DDX50: variants seen among roughly 807,000 people sequenced by gnomAD.
DDX50 encodes DExD-box helicase 50.
In DDX50, 56 loss-of-function variants were observed where a neutral mutation model predicts 94.8. That is an observed-to-expected ratio of 0.59 (90% CI 0.48 to 0.74). The LOEUF (loss-of-function observed/expected upper bound fraction) is 0.74. Among genes scored for constraint, DDX50 ranks in the 30% least tolerant of loss-of-function variants. The probability of loss-of-function intolerance (pLI) is 0.00; values close to 1 mark genes in which losing one functional copy is unlikely to be tolerated. For synonymous variants in DDX50, 264 were observed against 295.4 expected (o/e 0.89, Z 1.09); for missense variants, 713 against 881.2 (o/e 0.81, Z 2.42).
At chr10:68,922,183 A>G (rs968043148) in intron 8 of DDX50, among the ~76,000 whole-genome samples, 2 of 151,744 alleles carry the variant, frequency 1.3e-5, no homozygotes, top group African/African-American at 4.8e-5. Flanking sequence ...CAGTTTTCAA[A>G]ATTTCTCTCT....
intron 5 of DDX50, 27 bp from the exon 6 acceptor site, chr10:68,913,364 A>G (rs373365826): frequency 1.3e-5 from 21 of 1,605,208 alleles, no homozygotes; most frequent in Non-Finnish European, 1.7e-5. Flanking sequence ...AATTTTACAT[A>G]TTGGTGGCAT....
chr10:68,929,109 G>C (rs1350582983), intron 8 of DDX50, among the ~76,000 whole-genome samples: 1 of 151,862 alleles, frequency 6.6e-6, no homozygotes, highest in Non-Finnish European at 1.5e-5. Flanking sequence ...ACCACGCCTC[G>C]CTAATTTTTG....
At position 68,941,105 on chromosome 10, in the gene DDX50, G is replaced by A. The variant is rs781579544; in HGVS notation, c.1801G>A (p.Val601Ile). 3 of 1,612,494 alleles carry A rather than the reference G, an allele frequency of 1.9e-6. No individual in the cohort carries two copies. The highest frequency in any genetic ancestry group is 2.7e-5 in the African/African-American group (2 of 74,882). ...TLESLEEIQD[V>I]SCAWKELNRK... is the part of the protein sequence containing the mutation. Reference sequence around the variant, plus strand: ...GGAAAGCCTAGAGGAAATACAGGATGTCAGCTGTGCTTGGAAAGAACTTAA... The same window carrying A: ...GGAAAGCCTAGAGGAAATACAGGATATCAGCTGTGCTTGGAAAGAACTTAA... Residue 601 changes from valine to isoleucine, a missense_variant, in exon 13 of 15, where the codon GTC becomes ATC. Around this residue, in one of 2 missense-constraint regions of DDX50, gnomAD observed 428 missense variants for 602.3 expected, o/e 0.71. Transcript: ENST00000373585.
At position 68,934,923 on chromosome 10, in the gene DDX50, G is replaced by A. The variant is rs1328509004; in HGVS notation, c.1521+5G>A. 1 of 1,610,080 alleles carries A rather than the reference G, an allele frequency of 6.2e-7. No individual in the cohort carries two copies. The highest frequency in any genetic ancestry group is 2.2e-5 in the East Asian group (1 of 44,766). ...AGATATGTGGAACAAAAAGCAGTAA[G>A]TAGAGTTAAATTATTTCAGGCTTAT... is the stretch of plus-strand genomic sequence containing the variant. On this transcript the variant is annotated splice_donor_5th_base_variant and intron_variant, in intron 10 of 14. Transcript: ENST00000373585. This position sits in a 1 kb window ranked among gnomAD's most constrained non-coding sequence, Gnocchi z 4.0.
At chr10:68,942,617 T>C (rs555923966) in intron 13 of DDX50, among the ~76,000 whole-genome samples, 7 of 144,264 alleles carry the variant, frequency 4.9e-5, no homozygotes, top group African/African-American at 1.7e-4. Context: ...ATTGCAGCTT[T>C]TTTCTTTTTT....
intron 14 of DDX50, among the ~76,000 whole-genome samples, chr10:68,943,660 G>A (rs1278069132): frequency 1.3e-5 from 2 of 152,222 alleles, no homozygotes; most frequent in South Asian, 2.1e-4. Flanking sequence ...TGAAACTCCC[G>A]ACCTCAGGTG....
chr10:68,925,733 G>A (rs971760610), intron 8 of DDX50, among the ~76,000 whole-genome samples: 1 of 152,056 alleles, frequency 6.6e-6, no homozygotes, highest in African/African-American at 2.4e-5. Context: ...ATTAGCCAGG[G>A]CCAGCTGCAA....
intron 1 of DDX50, 21 bp downstream of exon 1, chr10:68,901,492 G>A (rs941726489): frequency 1.9e-6 from 3 of 1,552,020 alleles, no homozygotes; most frequent in African/African-American, 1.4e-5. Flanking sequence ...CATGGGCCGC[G>A]CCTCCTTTTG....
chr10:68,906,447 C>G (rs937230905), intron 1 of DDX50: 1 of 317,666 alleles, frequency 3.1e-6, no homozygotes, highest in South Asian at 6.0e-5. Context: ...GAGGAGAAAC[C>G]GTTTTAATTT....
At chr10:68,914,991 A>G (rs989591428) in intron 7 of DDX50, among the ~76,000 whole-genome samples, 4 of 149,106 alleles carry the variant, frequency 2.7e-5, no homozygotes, top group African/African-American at 9.9e-5. Flanking sequence ...ACCGTACTCC[A>G]GCCTGGGTGA....
chr10:68,926,774 T>TACACACACACAC (rs67773821), intron 8 of DDX50, among the ~76,000 whole-genome samples: 46 of 140,420 alleles, frequency 3.3e-4, no homozygotes, highest in African/African-American at 1.2e-3. Flanking sequence ...CACACAGAGA[T>TACACACACACAC]ACACACACAC....
In DDX50 at chr10:68,934,438, G is replaced by T. The variant is rs1842354229; in HGVS notation, c.1401+78G>T. 9 of 1,573,798 alleles carry T rather than the reference G, an allele frequency of 5.7e-6. No homozygotes were observed. Among genetic ancestry groups the T allele is most frequent in the Non-Finnish European group, 6.9e-6 (8 of 1,162,428 alleles). The stretch of plus-strand genomic sequence containing the variant: ...ATTTAATTTACAACATATTGCTTGG[G>T]ATGTGAAAAATATGTCATCTCTTCT... On this transcript the variant is annotated intron_variant, in intron 9 of 14. Transcript: ENST00000373585. The surrounding 1 kb of genome is among the most constrained non-coding windows in gnomAD (Gnocchi z 4.0).
Position 68,934,985 on chromosome 10 carries a change from A to G in DDX50, c.1521+67A>G, listed in dbSNP as rs1050393034. 6.6e-7 allele frequency: 1 copy of G among 1,512,764 alleles called. No individual in the cohort carries two copies. The highest frequency in any genetic ancestry group is 1.4e-5 in the South Asian group (1 of 73,126). 93.7% of individuals were successfully genotyped at this position (1,512,764 alleles called of 1,614,324 possible). A position where few individuals can be genotyped will look rare whatever the true frequency, so the allele number is the denominator to read the frequency against. On this transcript the variant is annotated intron_variant, in intron 10 of 14. Coordinates refer to ENST00000373585, the MANE Select transcript of DDX50 (RefSeq NM_024045.2). The surrounding 1 kb of genome is among the most constrained non-coding windows in gnomAD (Gnocchi z 4.0). ...TGCCTTAAAAGAGAGCTCTTCTTAT[A>G]TTTATTCTTACAAGTAGGTCTTCAT...
chr10:68,936,505 AAAAAAAAAAAATAT>A (rs1308741296), intron 11 of DDX50, among the ~76,000 whole-genome samples: 20 of 47,548 alleles, frequency 4.2e-4, no homozygotes, highest in Non-Finnish European at 7.1e-4. Flanking sequence ...AAAAAAAAAA[AAAAAAAAAAAATAT>A]ATATATATAT....
At chr10:68,930,796 C>T (rs1371025042) in intron 8 of DDX50, among the ~76,000 whole-genome samples, 2 of 152,138 alleles carry the variant, frequency 1.3e-5, no homozygotes, top group Admixed American at 6.5e-5. Context: ...TGGGACGACA[C>T]GTATGTGCCC....
chr10:68,906,471 T>A (rs373113602), intron 1 of DDX50: 1 of 396,128 alleles, frequency 2.5e-6, no homozygotes, highest in East Asian at 4.7e-5. Context: ...TTAAATCTTA[T>A]GATGGGATTA....
At chr10:68,905,027 A>G (rs1841402490) in intron 1 of DDX50, among the ~76,000 whole-genome samples, 1 of 152,196 alleles carries the variant, frequency 6.6e-6, no homozygotes, top group Admixed American at 6.5e-5. Flanking sequence ...TTGACCAGGT[A>G]ATTCATTTTT....
At chr10:68,936,413 T>C (rs1202196769) in intron 11 of DDX50, among the ~76,000 whole-genome samples, 1 of 126,662 alleles carries the variant, frequency 7.9e-6, no homozygotes, top group Non-Finnish European at 1.6e-5. Flanking sequence ...GGTGTGAACC[T>C]GGGGGGCGGA....
chr10:68,926,808 CTT>C (rs1011474003), intron 8 of DDX50, among the ~76,000 whole-genome samples: 9 of 147,918 alleles, frequency 6.1e-5, no homozygotes, highest in African/African-American at 2.3e-4. Context: ...CACACACACA[CTT>C]TTGGAAAAAA....
Sources: gnomAD v4.1 joint callset for allele counts (sites outside exome capture counted in the v4.1 genomes callset) on GRCh38, gnomAD v4.1.1 for gene constraint, gnomAD v4.1.1 regional missense constraint, Gnocchi (gnomAD v3.1) non-coding constraint, MANE v1.5 for transcripts, NCBI Gene and HGNC (gene_info 2026-07-23, HGNC 2026-07-21) for gene names.